Variants in FGD6 observed in about 807,000 individuals in gnomAD.
FGD6 encodes the protein FYVE, RhoGEF and PH domain containing 6.
In FGD6, 90 loss-of-function variants were observed where a neutral mutation model predicts 149.4. The ratio of observed to expected loss-of-function variants is 0.60; its 90% CI spans 0.51 to 0.72. The LOEUF (loss-of-function observed/expected upper bound fraction) is 0.72. Among genes scored for constraint, FGD6 ranks in the 30% least tolerant of loss-of-function variants. The pLI is 0.00. For missense variants in FGD6, 1,437 were observed against 1,684.8 expected (o/e 0.85, Z 2.57); for synonymous variants, 527 against 584.0 (o/e 0.90, Z 1.41).
In FGD6 at chr12:95,211,034, G is replaced by C. The variant is rs746333445; in HGVS notation, c.250C>G (p.Gln84Glu). Residue 84 changes from glutamine to glutamate, a missense_variant, in exon 2 of 21, where the codon CAG (glutamine) becomes GAG (glutamate). Physicochemically the swap from Gln to Glu is conservative, Grantham distance 29. Coordinates refer to ENST00000343958, the MANE Select transcript of FGD6 (RefSeq NM_018351.4). ...KIMLNLEGHKQELAESTDNFN... is the reference protein window; with the variant it reads ...KIMLNLEGHKEELAESTDNFN... Reference sequence around the variant, plus strand: ...TTGTCAGTGCTTTCAGCTAATTCCTGTTTATGCCCTTCCAGGTTCAACATG... The same window carrying C: ...TTGTCAGTGCTTTCAGCTAATTCCTCTTTATGCCCTTCCAGGTTCAACATG... 57 of 1,613,996 alleles carry C rather than the reference G, an allele frequency of 3.5e-5. 2 individuals are homozygous for C. The South Asian group carries it at 5.8e-4, about 16-fold the overall frequency.
At chr12:95,216,566 T>C (rs1394035580) in intron 1 of FGD6, among the ~76,000 whole-genome samples, 1 of 150,184 alleles carries the variant, frequency 6.7e-6, no homozygotes, top group Non-Finnish European at 1.5e-5. Flanking sequence ...CTTTGTCATT[T>C]GGATGAAGGG....
chr12:95,212,085 C>A (rs1727953787), intron 1 of FGD6, among the ~76,000 whole-genome samples: 2 of 152,100 alleles, frequency 1.3e-5, no homozygotes, highest in East Asian at 1.9e-4. Context: ...AAAATTAATT[C>A]TTTGGTATTA....
intron 3 of FGD6, among the ~76,000 whole-genome samples, chr12:95,170,098 G>A (rs1880947061): frequency 6.6e-6 from 1 of 152,012 alleles, no homozygotes; most frequent in African/African-American, 2.4e-5. Flanking sequence ...TCCAGCCTGG[G>A]AGACAGAGCA....
intron 2 of FGD6, among the ~76,000 whole-genome samples, chr12:95,177,405 T>C (rs6538611): frequency 0.88 from 133,225 of 152,234 alleles, 58,631 homozygotes; most frequent in African/African-American, 0.96. Context: ...TGAGCCCCTT[T>C]ACCAAGGAAT....
chr12:95,097,169 G>A (rs1396332294), intron 14 of FGD6, among the ~76,000 whole-genome samples: 2 of 152,182 alleles, frequency 1.3e-5, no homozygotes, highest in African/African-American at 4.8e-5. Flanking sequence ...AGCATCCAGT[G>A]GAGATATTCT....
At chr12:95,106,304 T>G (rs1878622408) in intron 13 of FGD6, among the ~76,000 whole-genome samples, 1 of 148,638 alleles carries the variant, frequency 6.7e-6, no homozygotes, top group African/African-American at 2.5e-5. Context: ...GGAGTCTCAC[T>G]CTGTTGCTCC....
rs1372138469 is a variant in FGD6, at chr12:95,083,370, C to A, written c.4256+1128G>T. ...TTTACCTAACTACATGTAATTCTGT[C>A]TTGGTGGCATTTCTATCTTGTCAAC... On this transcript the variant is annotated intron_variant, in intron 20 of 20. Transcript: ENST00000343958. Among the ~76,000 whole-genome samples the A allele has an allele frequency of 4.0e-5, 6 of 151,668 alleles. No homozygotes were observed. In the South Asian group the frequency reaches 1.0e-3, roughly 27 times the overall value.
In FGD6 at chr12:95,211,263, T is replaced by G; in HGVS notation, c.21A>C (p.Ile7=). ...GCTTGGGGGCCACTGGTGGCTTCTT[T>G]ATCTCTAGAAAGGAAAAAATAATAA... MTSAAE[I]KKPPVAPKPK... Residue 7 remains isoleucine, a synonymous_variant, in exon 2 of 21, where the codon ATA becomes ATC. Transcript: ENST00000343958. 1 of 1,562,682 alleles carries G rather than the reference T, an allele frequency of 6.4e-7. No homozygotes were observed. The highest frequency in any genetic ancestry group is 8.6e-7 in the Non-Finnish European group (1 of 1,162,904).
intron 9 of FGD6, among the ~76,000 whole-genome samples, 179 bp from the exon 10 acceptor site, chr12:95,108,740 C>T (rs965556987): frequency 1.3e-5 from 2 of 152,004 alleles, no homozygotes; most frequent in African/African-American, 4.8e-5. Context: ...CAAACCAAAC[C>T]AAACAACACC....
Position 95,165,963 on chromosome 12 carries a change from G to GTT in FGD6, c.2586+6635_2586+6636dup, listed in dbSNP as rs149021127. ...TGCCTGGCTTGTTTTTTCTTTTTCT[G>GTT]TTTTTTTTTTTTTTTTCAATAGGGT... On this transcript the variant is annotated intron_variant, in intron 3 of 20. Coordinates refer to ENST00000343958, the MANE Select transcript of FGD6 (RefSeq NM_018351.4). 7.2e-3 allele frequency among the ~76,000 whole-genome samples: 951 copies of GTT among 132,776 alleles called. 6 individuals carry two copies. Among genetic ancestry groups the GTT allele is most frequent in the Middle Eastern group, 0.016 (4 of 244 alleles). The allele number at this position is 132,776 out of a possible 152,430, so 87.1% of individuals were successfully genotyped here.
intron 2 of FGD6, among the ~76,000 whole-genome samples, chr12:95,202,100 T>C (rs1160807536): frequency 6.6e-6 from 1 of 151,730 alleles, no homozygotes; most frequent in East Asian, 1.9e-4. Context: ...CACAAAAACA[T>C]ACATATGGGC....
intron 1 of FGD6, among the ~76,000 whole-genome samples, chr12:95,213,176 C>T (rs1383194778): frequency 6.6e-6 from 1 of 152,148 alleles, no homozygotes; most frequent in Non-Finnish European, 1.5e-5. Context: ...ATGCCTTAGG[C>T]CTCTTCCCAA....
chr12:95,174,041 C>T (rs1046706619), intron 2 of FGD6, among the ~76,000 whole-genome samples: 4 of 152,152 alleles, frequency 2.6e-5, no homozygotes, highest in Non-Finnish European at 5.9e-5. Flanking sequence ...ACGGGGTTTT[C>T]CATTACTCAA....
intron 20 of FGD6, among the ~76,000 whole-genome samples, chr12:95,083,030 T>TATACACACACACACACACAC (rs772685891): frequency 7.1e-5 from 4 of 56,596 alleles, no homozygotes; most frequent in South Asian, 7.0e-4. Flanking sequence ...TATATATATA[T>TATACACACACACACACACAC]ACACACACAT....
At chr12:95,212,450 A>G (rs1017900547) in intron 1 of FGD6, among the ~76,000 whole-genome samples, 1 of 152,194 alleles carries the variant, frequency 6.6e-6, no homozygotes, top group East Asian at 1.9e-4. Context: ...AACCTAATAA[A>G]AGCTTTACAC....
chr12:95,214,272 A>G (rs2056741590), intron 1 of FGD6, among the ~76,000 whole-genome samples: 1 of 152,232 alleles, frequency 6.6e-6, no homozygotes, highest in Non-Finnish European at 1.5e-5. Context: ...CTTTAAAAAT[A>G]ATCACATTCA....
intron 8 of FGD6, chr12:95,125,846 T>C (rs61734229): frequency 0.023 from 24,128 of 1,036,662 alleles, 373 homozygotes; most frequent in Middle Eastern, 0.05. Flanking sequence ...TGATCATAGA[T>C]GTTATTGATC....
In FGD6 at chr12:95,149,275, T is replaced by C. The variant is rs62645672; in HGVS notation, c.2685+3536A>G. Among the ~76,000 whole-genome samples, 5 of 34,938 alleles carry C rather than the reference T, an allele frequency of 1.4e-4. 1 individual carries two copies. The highest frequency in any genetic ancestry group is 4.8e-4 in the Admixed American group (1 of 2,064). 22.9% of individuals were successfully genotyped at this position (34,938 alleles called of 152,430 possible). A position where few individuals can be genotyped will look rare whatever the true frequency, so the allele number is the denominator to read the frequency against. On this transcript the variant is annotated intron_variant, in intron 5 of 20. Coordinates refer to ENST00000343958, the MANE Select transcript of FGD6 (RefSeq NM_018351.4). ...CATATATATTATATATTATATTACA[T>C]ATAGCATATATAATATTATATATAA...
At chr12:95,199,574 T>C (rs1208097215) in intron 2 of FGD6, among the ~76,000 whole-genome samples, 2 of 151,230 alleles carry the variant, frequency 1.3e-5, no homozygotes, top group South Asian at 2.1e-4. Context: ...ATGTTTTTAG[T>C]GGAGCTATGG....
Sources: gnomAD v4.1 joint callset for allele counts (sites outside exome capture counted in the v4.1 genomes callset) on GRCh38, gnomAD v4.1.1 for gene constraint, MANE v1.5 for transcripts, NCBI Gene and HGNC (gene_info 2026-07-23, HGNC 2026-07-21) for gene names.